Variants in CNTN5 observed in about 807,000 individuals in gnomAD.
The protein encoded by CNTN5 is contactin-5.
Under a neutral mutation model 129.1 loss-of-function variants are expected in CNTN5, and 77 were observed. The observed-to-expected ratio is 0.60, with a 90% CI of 0.50 to 0.72. The LOEUF is 0.72. Among genes scored for constraint, CNTN5 ranks in the 30% least tolerant of loss-of-function variants. The pLI is 0.00. For missense variants in CNTN5, 1,478 were observed against 1,328.8 expected (o/e 1.11, Z -1.75); for synonymous variants, 509 against 465.6 (o/e 1.09, Z -1.20).
intron 2 of CNTN5, among the ~76,000 whole-genome samples, chr11:99,527,880 T>C (rs1225780366): frequency 6.6e-6 from 1 of 152,108 alleles, no homozygotes; most frequent in Admixed American, 6.6e-5. Context: ...AAGCAGATGC[T>C]GCATAGACAG....
chr11:99,329,676 T>C (rs2136021510), intron 2 of CNTN5, among the ~76,000 whole-genome samples: 1 of 152,240 alleles, frequency 6.6e-6, no homozygotes, highest in South Asian at 2.1e-4. Context: ...CTGTCACATA[T>C]GCTGAGTGTA....
intron 3 of CNTN5, among the ~76,000 whole-genome samples, chr11:99,639,567 T>TG (rs1565377601): frequency 7.2e-6 from 1 of 139,398 alleles, no homozygotes; most frequent in African/African-American, 2.7e-5. Context: ...ATGTTTTTTT[T>TG]TTTTTTTTTT....
intron 6 of CNTN5, among the ~76,000 whole-genome samples, chr11:99,901,790 G>C (rs1179611445): frequency 6.6e-6 from 1 of 152,070 alleles, no homozygotes; most frequent in Non-Finnish European, 1.5e-5. Flanking sequence ...ACTGTTATTT[G>C]GTATACATGG....
chr11:99,156,870 G>T, intron 1 of CNTN5, among the ~76,000 whole-genome samples: 1 of 152,084 alleles, frequency 6.6e-6, no homozygotes, highest in East Asian at 1.9e-4. Context: ...CAAATCTCAG[G>T]TGTATAATAC....
chr11:99,776,895 G>T (rs887182407), intron 3 of CNTN5, among the ~76,000 whole-genome samples: 3 of 151,840 alleles, frequency 2.0e-5, no homozygotes, highest in Non-Finnish European at 4.4e-5. Context: ...GTAAAGTTCA[G>T]GACCAGCCCC....
intron 2 of CNTN5, among the ~76,000 whole-genome samples, chr11:99,454,974 G>A (rs554800845): frequency 6.6e-6 from 1 of 152,052 alleles, no homozygotes; most frequent in Non-Finnish European, 1.5e-5. Flanking sequence ...TTGTTTGGTT[G>A]GTTGGTTTTG....
At chr11:99,080,707 A>C (rs1166326360) in intron 1 of CNTN5, among the ~76,000 whole-genome samples, 2 of 152,228 alleles carry the variant, frequency 1.3e-5, no homozygotes, top group East Asian at 3.8e-4. Flanking sequence ...ACAGGGAGGC[A>C]GCACAAATCT....
At chr11:99,897,922 T>C (rs933170481) in intron 6 of CNTN5, among the ~76,000 whole-genome samples, 2 of 152,136 alleles carry the variant, frequency 1.3e-5, no homozygotes, top group African/African-American at 2.4e-5. Flanking sequence ...ATGACATCCA[T>C]AGGCTCAAAG....
intron 13 of CNTN5, among the ~76,000 whole-genome samples, chr11:100,180,373 T>G (rs1948102967): frequency 6.6e-6 from 1 of 151,960 alleles, no homozygotes; most frequent in Non-Finnish European, 1.5e-5. Context: ...AAGGATAGCC[T>G]TTTGGAAAAT....
rs544347417 is a variant in CNTN5, at chr11:100,057,317, CA to C, written c.981-3889del. On this transcript the variant is annotated intron_variant, in intron 9 of 24. Coordinates refer to ENST00000524871, the MANE Select transcript of CNTN5 (RefSeq NM_014361.4). The stretch of plus-strand genomic sequence containing the variant: ...AAAAACAGAAACTCATGAATTACAA[CA>C]AAAAAGTAATAAAAACTTAAAATGC... 1.8e-3 allele frequency among the ~76,000 whole-genome samples: 271 copies of C among 149,248 alleles called. 1 individual carries two copies. Among genetic ancestry groups the C allele is most frequent in the Non-Finnish European group, 2.5e-3 (165 of 67,174 alleles).
chr11:99,833,559 C>G (rs1947211605), intron 4 of CNTN5, among the ~76,000 whole-genome samples: 1 of 152,116 alleles, frequency 6.6e-6, no homozygotes, highest in African/African-American at 2.4e-5. Flanking sequence ...TTAAAGTAGG[C>G]TAGGATAAAC....
chr11:100,058,087 T>C (rs1565836583), intron 9 of CNTN5, among the ~76,000 whole-genome samples: 1 of 152,110 alleles, frequency 6.6e-6, no homozygotes, highest in Admixed American at 6.6e-5. Flanking sequence ...ATTAAGACTG[T>C]TTTAAACTAA....
intron 3 of CNTN5, among the ~76,000 whole-genome samples, chr11:99,738,616 C>CGTGTGTGTGTGTGT (rs113729274): frequency 0.059 from 8,390 of 142,026 alleles, 283 homozygotes; most frequent in Admixed American, 0.11. Context: ...AAGACAGTAA[C>CGTGTGTGTGTGTGT]GTGTGTGTGT....
intron 2 of CNTN5, among the ~76,000 whole-genome samples, chr11:99,555,248 G>C (rs1948626750): frequency 6.6e-6 from 1 of 151,930 alleles, no homozygotes; most frequent in African/African-American, 2.4e-5. Context: ...TACCAAGAAG[G>C]CAATCATTAT....
intron 24 of CNTN5, among the ~76,000 whole-genome samples, chr11:100,353,589 G>C (rs1054165389): frequency 6.6e-6 from 1 of 151,552 alleles, no homozygotes; most frequent in Non-Finnish European, 1.5e-5. Context: ...ATGTGTTCTT[G>C]TTTTTTATTT....
chr11:100,078,652 A>G (rs1347138534), intron 13 of CNTN5, among the ~76,000 whole-genome samples: 1 of 152,186 alleles, frequency 6.6e-6, no homozygotes, highest in Admixed American at 6.6e-5. Context: ...TAAGTTACCT[A>G]ATTTATTATC....
chr11:99,290,163 C>A (rs187662705), intron 1 of CNTN5, among the ~76,000 whole-genome samples: 8 of 151,624 alleles, frequency 5.3e-5, no homozygotes, highest in Non-Finnish European at 1.0e-4. Flanking sequence ...GCTTATTGAG[C>A]GCTTGCCACT....
intron 1 of CNTN5, among the ~76,000 whole-genome samples, chr11:99,268,385 A>T (rs572543113): frequency 1.3e-5 from 2 of 151,852 alleles, no homozygotes; most frequent in Non-Finnish European, 2.9e-5. Flanking sequence ...ATTATTTTTA[A>T]TAAAATTGAA....
At chr11:100,309,974 G>C (rs574490910) in intron 21 of CNTN5, among the ~76,000 whole-genome samples, 1 of 151,956 alleles carries the variant, frequency 6.6e-6, no homozygotes, top group South Asian at 2.1e-4. Context: ...AGAACTTTAT[G>C]GTGTAGTTTA....
Sources: allele counts gnomAD v4.1 joint callset (sites outside exome capture counted in the v4.1 genomes callset), GRCh38; gene constraint gnomAD v4.1.1; transcripts MANE v1.5; gene names NCBI Gene and HGNC (gene_info 2026-07-23, HGNC 2026-07-21).